The following NPAS1 variants were observed in gnomAD, a reference collection of about 807,000 sequenced individuals.
The protein encoded by NPAS1 is neuronal PAS domain protein 1.
NPAS1 carries 29 observed loss-of-function variants against 49.2 expected under a neutral mutation model. The ratio of observed to expected loss-of-function variants is 0.59; its 90% CI spans 0.44 to 0.80. The LOEUF (loss-of-function observed/expected upper bound fraction) is 0.80. NPAS1 is among the 30% of genes least tolerant of loss of function. NPAS1 has a pLI of 0.00. For missense variants in NPAS1, 825 were observed against 835.5 expected (o/e 0.99, Z 0.15); for synonymous variants, 408 against 380.4 (o/e 1.07, Z -0.84).
rs116222588 is a variant in NPAS1 at position 47,031,971 on chromosome 19, C to G, written c.359-307C>G. 3.1e-3 allele frequency among the ~76,000 whole-genome samples: 477 copies of G among 152,266 alleles called. 2 individuals are homozygous for G. Among genetic ancestry groups the G allele is most frequent in the African/African-American group, 0.011 (460 of 41,542 alleles). On this transcript the variant is annotated intron_variant, in intron 3 of 11. Transcript: ENST00000602212. ...GTCCTGGTCACCGTTGCACTCCCAG[C>G]AATGCCTAGTGCAGGACATAGGGAG... is the stretch of plus-strand genomic sequence containing the variant.
chr19:47,039,303 T>A lies in NPAS1; in HGVS notation c.805-104T>A, dbSNP rs2056993441. 3.9e-6 allele frequency: 6 copies of A among 1,527,658 alleles called. No homozygotes were observed. In the South Asian group the frequency reaches 7.3e-5, roughly 19 times the overall value. 94.6% of individuals were successfully genotyped at this position (1,527,658 alleles called of 1,614,324 possible). Reference sequence around the variant, plus strand: ...ACTGGGGGGGTCACACAGTGTCCAGTCCTCCAGCACCTGTGGGGGACAGAG... The same window carrying A: ...ACTGGGGGGGTCACACAGTGTCCAGACCTCCAGCACCTGTGGGGGACAGAG... On this transcript the variant is annotated intron_variant, in intron 7 of 11. Transcript: ENST00000602212.
In NPAS1 at chr19:47,021,332, C is replaced by T. The variant is rs963362094; in HGVS notation, c.122+163C>T. 2.0e-5 allele frequency among the ~76,000 whole-genome samples: 3 copies of T among 152,228 alleles called. No individual in the cohort carries two copies. The highest frequency in any genetic ancestry group is 6.5e-5 in the Admixed American group (1 of 15,288). The stretch of plus-strand genomic sequence containing the variant: ...GTTAACTACCGTCCTGAGCCCGGTC[C>T]CCTGCGTTCTGCTTCTAGTCCCGGT... On this transcript the variant is annotated intron_variant, in intron 2 of 11. Transcript: ENST00000602212. This position sits in a 1 kb window ranked among gnomAD's most constrained non-coding sequence, Gnocchi z 5.7.
intron 5 of NPAS1, among the ~76,000 whole-genome samples, chr19:47,034,831 G>A: frequency 6.6e-6 from 1 of 151,992 alleles, no homozygotes; most frequent in East Asian, 1.9e-4. Context: ...AGCCAAGATT[G>A]CACCATTGCA....
chr19:47,021,614 T>G lies in NPAS1; in HGVS notation c.125T>G (p.Leu42Arg), dbSNP rs1268635605. The change falls in exon 3 of 12, where the codon CTG becomes CGG. Residue 42 changes from leucine (L) to arginine (R), a missense_variant and splice_region_variant. By Grantham distance (102) the Leu-to-Arg change is moderately radical. Coordinates refer to ENST00000602212, the MANE Select transcript of NPAS1 (RefSeq NM_002517.4). The surrounding 1 kb of genome is among the most constrained non-coding windows in gnomAD (Gnocchi z 5.7). ...CCTCCTCCGCGCCGCCCGCCCAGCC[T>G]GCAGGCGCAGCGCAAGGAGAAGTCC... is the stretch of plus-strand genomic sequence containing the variant. ...LMVKAPSGPC[L>R]QAQRKEKSRN... 1.3e-5 allele frequency: 20 copies of G among 1,501,646 alleles called. No homozygotes were observed. Among genetic ancestry groups the G allele is most frequent in the Non-Finnish European group, 1.8e-5 (20 of 1,124,872 alleles). The allele number at this position is 1,501,646 out of a possible 1,614,324, so 93.0% of individuals were successfully genotyped here.
intron 5 of NPAS1, among the ~76,000 whole-genome samples, chr19:47,033,397 C>T (rs1176122731): frequency 6.6e-6 from 1 of 152,148 alleles, no homozygotes; most frequent in African/African-American, 2.4e-5. Context: ...TGCACCACCA[C>T]GCCTAGCTAA....
intron 6 of NPAS1, among the ~76,000 whole-genome samples, chr19:47,038,684 G>A (rs547883375): frequency 7.9e-5 from 12 of 152,186 alleles, no homozygotes; most frequent in South Asian, 2.1e-4. Flanking sequence ...AAAATTAGTC[G>A]GGCATGGTAG....
chr19:47,021,134 A>G lies in NPAS1; in HGVS notation c.87A>G (p.Leu29=), dbSNP rs572441223. The part of the protein sequence containing the change: ...GRGASVPWDF[L]PGLMVKAPSG... ...GCGCCAGCGTCCCCTGGGACTTTCTACCCGGGCTGATGGTCAAGGCGCCGT... is the reference window on the plus strand; with the variant it reads ...GCGCCAGCGTCCCCTGGGACTTTCTGCCCGGGCTGATGGTCAAGGCGCCGT... Residue 29 remains leucine, a synonymous_variant, in exon 2 of 12, where the codon CTA becomes CTG. Transcript: ENST00000602212. The surrounding 1 kb of genome is among the most constrained non-coding windows in gnomAD (Gnocchi z 5.7). 4 of 1,596,342 alleles carry G rather than the reference A, an allele frequency of 2.5e-6. No individual in the cohort carries two copies. The highest frequency in any genetic ancestry group is 2.7e-5 in the African/African-American group (2 of 72,788).
intron 3 of NPAS1, among the ~76,000 whole-genome samples, chr19:47,027,953 G>A (rs1390935772): frequency 1.3e-5 from 2 of 152,106 alleles, no homozygotes; most frequent in Non-Finnish European, 2.9e-5. Flanking sequence ...GGGAGGCATC[G>A]GGGAGTTGGT....
In NPAS1 at chr19:47,021,302, C is replaced by T. The variant is rs1340957191; in HGVS notation, c.122+133C>T. ...GCCCCTTAGGGCTAGAAGGTCTTAC[C>T]TTGAGTTAACTACCGTCCTGAGCCC... On this transcript the variant is annotated intron_variant, in intron 2 of 11. Coordinates refer to ENST00000602212, the MANE Select transcript of NPAS1 (RefSeq NM_002517.4). This position sits in a 1 kb window ranked among gnomAD's most constrained non-coding sequence, Gnocchi z 5.7. The T allele has an allele frequency of 2.5e-6, 2 of 788,556 alleles. No individual in the cohort carries two copies. The highest frequency in any genetic ancestry group is 3.9e-6 in the Non-Finnish European group (2 of 519,428). The allele number at this position is 788,556 out of a possible 1,614,324, so 48.8% of individuals were successfully genotyped here.
rs2056844383 is a variant in NPAS1 at position 47,021,845 on chromosome 19, T to TCATGCG, written c.357_358insATGCGC (p.Leu119_Ala120insMetArg). The TCATGCG allele has an allele frequency of 1.3e-6, 2 of 1,488,892 alleles. No individual in the cohort carries two copies. The highest frequency in any genetic ancestry group is 2.3e-5 in the Admixed American group (1 of 44,426). 92.2% of individuals were successfully genotyped at this position (1,488,892 alleles called of 1,614,324 possible). ...AGAGCCGCGGGGCCGCCAGCTGGCC[T>TCATGCG]CGGTGAGTGCTCATGCGCGGGGCGA... On this transcript the variant is annotated inframe_insertion and splice_region_variant, in exon 3 of 12. Transcript: ENST00000602212. The surrounding 1 kb of genome is among the most constrained non-coding windows in gnomAD (Gnocchi z 5.7).
At chr19:47,025,519 C>T (rs929208634) in intron 3 of NPAS1, among the ~76,000 whole-genome samples, 2 of 151,774 alleles carry the variant, frequency 1.3e-5, no homozygotes, top group Non-Finnish European at 2.9e-5. Context: ...CTCAGGTGAT[C>T]CGCCTGCCGC....
intron 3 of NPAS1, among the ~76,000 whole-genome samples, chr19:47,027,576 TTCTCTCTGCCCCTGGTCTCCCG>T (rs2056881753): frequency 4.0e-4 from 9 of 22,354 alleles, no homozygotes; most frequent in East Asian, 1.5e-3. Flanking sequence ...CTGGTCTCCC[TTCTCTCTGCCCCTGGTCTCCCG>T]TCTCTCTGCC....
At chr19:47,037,544 C>T (rs1237056692) in intron 6 of NPAS1, among the ~76,000 whole-genome samples, 1 of 151,932 alleles carries the variant, frequency 6.6e-6, no homozygotes, top group Non-Finnish European at 1.5e-5. Flanking sequence ...GCACGCCTAA[C>T]CCTTCTCTCC....
At chr19:47,031,975 G>A (rs1383205575) in intron 3 of NPAS1, among the ~76,000 whole-genome samples, 1 of 152,158 alleles carries the variant, frequency 6.6e-6, no homozygotes. Context: ...TCCCAGCAAT[G>A]CCTAGTGCAG....
At chr19:47,040,742 G>C (rs3745617) in intron 9 of NPAS1, 192 bp downstream of exon 9, 1 of 592,784 alleles carries the variant, frequency 1.7e-6, no homozygotes, top group South Asian at 2.1e-5. Context: ...TGTGTGTGGG[G>C]GGGGGGTCTG....
rs773535259 is a variant in NPAS1 at position 47,040,436 on chromosome 19, C to T, written c.963-8C>T. 1.9e-6 allele frequency: 3 copies of T among 1,568,496 alleles called. No homozygotes were observed. Among genetic ancestry groups the T allele is most frequent in the East Asian group, 4.6e-5 (2 of 43,112 alleles). ...TGGACTCCTCCCCTCTTCTCTGTCA[C>T]CCCCCAGAGTCAGCGACCACATGGA... is the stretch of plus-strand genomic sequence containing the variant. On this transcript the variant is annotated splice_polypyrimidine_tract_variant and splice_region_variant and intron_variant, in intron 8 of 11. Transcript: ENST00000602212.
In NPAS1 at chr19:47,042,842, C is replaced by G. The variant is rs762036802; in HGVS notation, c.1250C>G (p.Ala417Gly). The G allele has an allele frequency of 1.4e-5, 22 of 1,606,226 alleles. No homozygotes were observed. The highest frequency in any genetic ancestry group is 1.3e-4 in the South Asian group (12 of 89,792). Residue 417 changes from alanine (A) to glycine (G), a missense_variant, in exon 11 of 12, where the codon GCC becomes GGC. Coordinates refer to ENST00000602212, the MANE Select transcript of NPAS1 (RefSeq NM_002517.4). ...QAEGGQTPLD[A>G]FQLPASVACE... ...GAGGGTGGCCAAACTCCTTTGGATG[C>G]CTTCCAGCTTCCAGCCAGCGTGGCC...
chr19:47,044,479 T>C (rs1157421357), intron 11 of NPAS1, among the ~76,000 whole-genome samples: 1 of 152,238 alleles, frequency 6.6e-6, no homozygotes, highest in Non-Finnish European at 1.5e-5. Context: ...CGTGGGACAG[T>C]GTGGATGTAG....
intron 3 of NPAS1, among the ~76,000 whole-genome samples, chr19:47,023,974 G>A (rs1434443886): frequency 6.6e-6 from 1 of 152,006 alleles, no homozygotes; most frequent in African/African-American, 2.4e-5. Context: ...GCGTGGTGGT[G>A]TGTGCCTGTA....
Sources: allele counts gnomAD v4.1 joint callset (sites outside exome capture counted in the v4.1 genomes callset), GRCh38; gene constraint gnomAD v4.1.1; non-coding constraint Gnocchi (gnomAD v3.1); transcripts MANE v1.5; gene names NCBI Gene and HGNC (gene_info 2026-07-23, HGNC 2026-07-21).